The following SH3GL2 variants were observed in gnomAD, a reference collection of about 807,000 sequenced individuals.
SH3GL2 encodes endophilin-A1.
Under a neutral mutation model 46.0 loss-of-function variants are expected in SH3GL2, and 24 were observed. That is an observed-to-expected ratio of 0.52 (90% CI 0.38 to 0.73). SH3GL2 has a LOEUF of 0.73. Ranked by LOEUF, SH3GL2 falls within the 30% of genes least tolerant of loss-of-function variation. The pLI, the probability that SH3GL2 is intolerant of heterozygous loss-of-function variation, is 0.00. For missense variants in SH3GL2, 413 were observed against 424.2 expected (o/e 0.97, Z 0.23); for synonymous variants, 196 against 147.1 (o/e 1.33, Z -2.40).
At chr9:17,645,151 CTTTTTTTTTTTTTT>C (rs57611978) in intron 1 of SH3GL2, among the ~76,000 whole-genome samples, 1,412 of 68,778 alleles carry the variant, frequency 0.021, 24 homozygotes, top group Admixed American at 0.028. Context: ...GCAAACGCTG[CTTTTTTTTTTTTTT>C]TTTTTTTTTT....
chr9:17,675,163 A>G (rs1820576027), intron 1 of SH3GL2, among the ~76,000 whole-genome samples: 1 of 152,120 alleles, frequency 6.6e-6, no homozygotes, highest in Non-Finnish European at 1.5e-5. Context: ...CGTATGTCTT[A>G]TTTCCTTCCT....
At chr9:17,684,937 A>G (rs1428332568) in intron 1 of SH3GL2, among the ~76,000 whole-genome samples, 5 of 152,142 alleles carry the variant, frequency 3.3e-5, no homozygotes, top group Non-Finnish European at 7.4e-5. Flanking sequence ...TCTGGTCTCA[A>G]CCACATTGAT....
intron 1 of SH3GL2, among the ~76,000 whole-genome samples, chr9:17,706,575 A>G (rs1454972507): frequency 1.3e-5 from 2 of 152,106 alleles, no homozygotes; most frequent in South Asian, 2.1e-4. Flanking sequence ...ATAAAAATGA[A>G]TGTTGTACGT....
At chr9:17,670,498 C>T (rs1820446934) in intron 1 of SH3GL2, among the ~76,000 whole-genome samples, 1 of 152,126 alleles carries the variant, frequency 6.6e-6, no homozygotes, top group Non-Finnish European at 1.5e-5. Context: ...TCTGGTAGGG[C>T]CAATAGCTCC....
intron 1 of SH3GL2, among the ~76,000 whole-genome samples, chr9:17,731,377 A>T (rs115023328): frequency 0.05 from 7,581 of 151,244 alleles, 660 homozygotes; most frequent in African/African-American, 0.18. Context: ...GTGCCCTTAA[A>T]AGAAGAGGAA....
intron 1 of SH3GL2, among the ~76,000 whole-genome samples, chr9:17,580,525 C>A (rs1400899083): frequency 2.6e-5 from 4 of 152,170 alleles, no homozygotes; most frequent in African/African-American, 9.7e-5. Context: ...ATCAATTATA[C>A]CTGTCAACTT....
chr9:17,614,295 G>GAAAAAAAAAAAA lies in SH3GL2; in HGVS notation c.45+35025_45+35036dup, dbSNP rs3084628. ...GTGACAGGGAACATGCATGGTTTCT[G>GAAAAAAAAAAAA]AAAAAAAAAAAAAAAAAAAAAAAAA... On this transcript the variant is annotated intron_variant, in intron 1 of 8. Transcript: ENST00000380607. Among the ~76,000 whole-genome samples the GAAAAAAAAAAAA allele has an allele frequency of 1.6e-3, 111 of 70,288 alleles. 12 individuals carry two copies. Among genetic ancestry groups the GAAAAAAAAAAAA allele is most frequent in the Middle Eastern group, 0.01 (1 of 96 alleles). 46.1% of individuals were successfully genotyped at this position (70,288 alleles called of 152,430 possible). A position where few individuals can be genotyped will look rare whatever the true frequency, so the allele number is the denominator to read the frequency against.
intron 1 of SH3GL2, among the ~76,000 whole-genome samples, chr9:17,618,635 C>T (rs975248245): frequency 6.6e-6 from 1 of 152,116 alleles, no homozygotes; most frequent in Non-Finnish European, 1.5e-5. Flanking sequence ...AGGGTGCTGG[C>T]CTAGACCTGG....
chr9:17,714,937 T>C (rs1821713578), intron 1 of SH3GL2, among the ~76,000 whole-genome samples: 1 of 151,900 alleles, frequency 6.6e-6, no homozygotes, highest in Non-Finnish European at 1.5e-5. Flanking sequence ...TTCCAGCTTT[T>C]ATATGTCTGA....
chr9:17,612,179 C>G (rs950536005), intron 1 of SH3GL2, among the ~76,000 whole-genome samples: 1 of 152,096 alleles, frequency 6.6e-6, no homozygotes, highest in Non-Finnish European at 1.5e-5. Context: ...CTCTCTAGTT[C>G]TGTGCACAGA....
At chr9:17,592,389 C>T (rs1224096953) in intron 1 of SH3GL2, among the ~76,000 whole-genome samples, 1 of 152,156 alleles carries the variant, frequency 6.6e-6, no homozygotes, top group Admixed American at 6.6e-5. Flanking sequence ...ATCCCTTAAC[C>T]CAGTTAAGTT....
chr9:17,735,253 A>G (rs1822297808), intron 1 of SH3GL2, among the ~76,000 whole-genome samples: 2 of 152,146 alleles, frequency 1.3e-5, no homozygotes, highest in African/African-American at 4.8e-5. Context: ...ACTAAGCCTA[A>G]GCAGAATTAA....
Position 17,608,134 on chromosome 9 carries a change from T to C in SH3GL2, c.45+28847T>C, listed in dbSNP as rs536558036. On this transcript the variant is annotated intron_variant, in intron 1 of 8. Transcript: ENST00000380607. ...AAAATCTCTTTTTGAATTTAGAATT[T>C]GTAAGCTTTCCTCTTTTTTTTTTTT... Among the ~76,000 whole-genome samples the C allele has an allele frequency of 6.7e-5, 10 of 148,288 alleles. No homozygotes were observed. The East Asian group carries it at 2.0e-3, about 30-fold the overall frequency.
intron 1 of SH3GL2, among the ~76,000 whole-genome samples, chr9:17,595,513 A>G (rs1207077804): frequency 2.6e-5 from 4 of 152,202 alleles, no homozygotes; most frequent in African/African-American, 9.6e-5. Context: ...TCTGGAGATC[A>G]GTAGTTCTCT....
chr9:17,591,667 T>A (rs1818483748), intron 1 of SH3GL2, among the ~76,000 whole-genome samples: 4 of 152,200 alleles, frequency 2.6e-5, no homozygotes, highest in Admixed American at 2.6e-4. Flanking sequence ...AAGGAATGTT[T>A]TTCACAGTTC....
chr9:17,736,160 T>G (rs1822328212), intron 1 of SH3GL2, among the ~76,000 whole-genome samples: 1 of 152,078 alleles, frequency 6.6e-6, no homozygotes, highest in Admixed American at 6.6e-5. Flanking sequence ...AGCCCAAGAT[T>G]ATAAATGAAA....
chr9:17,752,087 T>C (rs1822864057), intron 2 of SH3GL2, among the ~76,000 whole-genome samples: 2 of 152,220 alleles, frequency 1.3e-5, no homozygotes, highest in Non-Finnish European at 2.9e-5. Flanking sequence ...TTTTGTTTTT[T>C]AACACGTTGT....
chr9:17,703,710 TC>T (rs1278185499), intron 1 of SH3GL2, among the ~76,000 whole-genome samples: 1 of 152,034 alleles, frequency 6.6e-6, no homozygotes, highest in African/African-American at 2.4e-5. Context: ...AACCACATGA[TC>T]ATCTCAATAG....
At position 17,668,873 on chromosome 9, in the gene SH3GL2, G is replaced by T. The variant is rs564943163; in HGVS notation, c.46-78193G>T. On this transcript the variant is annotated intron_variant, in intron 1 of 8. Transcript: ENST00000380607. ...AGGTTTTGCTATGTTGCCTAGGCTG[G>T]TCTCAAACTCCTGGGCTCAAGCAGT... Among the ~76,000 whole-genome samples, 9 of 152,208 alleles carry T rather than the reference G, an allele frequency of 5.9e-5. No individual in the cohort carries two copies. In the South Asian group the frequency reaches 1.2e-3, roughly 21 times the overall value.
Sources: allele counts gnomAD v4.1 joint callset (sites outside exome capture counted in the v4.1 genomes callset), GRCh38; gene constraint gnomAD v4.1.1; transcripts MANE v1.5; gene names NCBI Gene and HGNC (gene_info 2026-07-23, HGNC 2026-07-21).